The following MTRF1 variants were observed in gnomAD, a reference collection of about 807,000 sequenced individuals.
MTRF1 encodes peptide chain release factor 1, mitochondrial.
A neutral mutation model predicts 62.9 loss-of-function variants in MTRF1; 51 were observed. That is an observed-to-expected ratio of 0.81 (90% CI 0.65 to 1.02). The LOEUF (loss-of-function observed/expected upper bound fraction) is 1.02, where lower values mean the gene tolerates loss of function less well. Ranked by LOEUF, MTRF1 falls within the 50% of genes least tolerant of loss-of-function variation. MTRF1 has a pLI of 0.00. For synonymous variants in MTRF1, 158 were observed against 181.9 expected (o/e 0.87, Z 1.06); for missense variants, 446 against 530.0 (o/e 0.84, Z 1.56).
At chr13:41,283,475 G>C in the MTRF1 span, among the ~76,000 whole-genome samples, 6 of 150,640 alleles carry the variant, frequency 4.0e-5, no homozygotes, top group Non-Finnish European at 8.9e-5. Flanking sequence ...GGTGCTCACA[G>C]ACTTTTACCT....
chr13:41,273,330 A>G, the MTRF1 span, among the ~76,000 whole-genome samples: 1 of 151,866 alleles, frequency 6.6e-6, no homozygotes, highest in Non-Finnish European at 1.5e-5. Context: ...CGTCTCAAAA[A>G]AAAAAAAAAA....
At chr13:41,263,007 T>G (rs1001445926) in intron 1 of MTRF1, among the ~76,000 whole-genome samples, 6 of 152,176 alleles carry the variant, frequency 3.9e-5, no homozygotes, top group Non-Finnish European at 8.8e-5. Context: ...CATCACATTA[T>G]TAAAAGAACT....
the MTRF1 span, among the ~76,000 whole-genome samples, chr13:41,311,754 G>A: frequency 1.3e-5 from 2 of 152,192 alleles, no homozygotes; most frequent in African/African-American, 4.8e-5. Flanking sequence ...CGGCCCACGG[G>A]GGCTGCCGAG....
upstream of MTRF1, among the ~76,000 whole-genome samples, chr13:41,267,563 T>C (rs566562357): frequency 6.6e-5 from 10 of 152,256 alleles, no homozygotes; most frequent in East Asian, 1.3e-3. Context: ...ATAAAAACTT[T>C]TCTAAAGTAA....
chr13:41,265,541 A>T (rs751005125), upstream of MTRF1, among the ~76,000 whole-genome samples: 7 of 152,138 alleles, frequency 4.6e-5, no homozygotes, highest in Non-Finnish European at 1.0e-4. Context: ...CCTCCAATAC[A>T]TGTGTCTGTA....
At chr13:41,284,678 G>A in the MTRF1 span, among the ~76,000 whole-genome samples, 1 of 151,666 alleles carries the variant, frequency 6.6e-6, no homozygotes, top group Non-Finnish European at 1.5e-5. Flanking sequence ...CCAGGCTGGA[G>A]TGCAGTGGCG....
intron 7 of MTRF1, among the ~76,000 whole-genome samples, chr13:41,230,105 GA>G (rs199955193): frequency 0.015 from 2,039 of 138,020 alleles, 43 homozygotes; most frequent in African/African-American, 0.049. Flanking sequence ...CTCCATCTAA[GA>G]AAAAAAAAAA....
At chr13:41,311,631 G>T in the MTRF1 span, 4 of 1,553,020 alleles carry the variant, frequency 2.6e-6, no homozygotes, top group South Asian at 1.2e-5. Flanking sequence ...CGGGTCCTCG[G>T]GCCTTAAGGG....
At chr13:41,267,265 T>C (rs934778989), upstream of MTRF1, among the ~76,000 whole-genome samples, 6 of 152,324 alleles carry the variant, frequency 3.9e-5, no homozygotes, top group African/African-American at 1.4e-4. Flanking sequence ...TGTCCTTTGT[T>C]CCCTGTATCT....
chr13:41,299,680 A>G, the MTRF1 span, among the ~76,000 whole-genome samples: 1 of 152,194 alleles, frequency 6.6e-6, no homozygotes, highest in Non-Finnish European at 1.5e-5. Context: ...CTCAAGAAGA[A>G]AAGTTTAAAT....
At chr13:41,284,762 T>C in the MTRF1 span, among the ~76,000 whole-genome samples, 2 of 152,154 alleles carry the variant, frequency 1.3e-5, no homozygotes, top group Non-Finnish European at 2.9e-5. Context: ...CAAGTGATTC[T>C]TGTGCCTCAG....
At chr13:41,274,097 T>C in the MTRF1 span, among the ~76,000 whole-genome samples, 2 of 152,202 alleles carry the variant, frequency 1.3e-5, no homozygotes, top group Admixed American at 6.5e-5. Context: ...CCAGCTTGAC[T>C]TTTCCCTTTA....
the MTRF1 span, among the ~76,000 whole-genome samples, chr13:41,277,025 T>G: frequency 4.6e-5 from 7 of 152,148 alleles, no homozygotes; most frequent in East Asian, 1.3e-3. Flanking sequence ...ATCCCTTCCC[T>G]CTAACTAACT....
At chr13:41,283,616 G>C in the MTRF1 span, among the ~76,000 whole-genome samples, 1 of 84,380 alleles carries the variant, frequency 1.2e-5, no homozygotes, top group African/African-American at 4.6e-5. Flanking sequence ...TTGAGACGGA[G>C]TCTCGCTCTG....
At chr13:41,309,693 C>T in the MTRF1 span, among the ~76,000 whole-genome samples, 1 of 151,982 alleles carries the variant, frequency 6.6e-6, no homozygotes, top group Non-Finnish European at 1.5e-5. Context: ...CCAACTTAGG[C>T]TAGAAAGAAG....
the MTRF1 span, among the ~76,000 whole-genome samples, chr13:41,278,023 T>C: frequency 1.3e-5 from 2 of 152,352 alleles, no homozygotes; most frequent in Admixed American, 6.5e-5. Flanking sequence ...TACTGCTATA[T>C]TACTAGGATC....
the MTRF1 span, among the ~76,000 whole-genome samples, chr13:41,303,907 T>G: frequency 6.6e-6 from 1 of 152,164 alleles, no homozygotes; most frequent in Non-Finnish European, 1.5e-5. Flanking sequence ...ATCTCCCCAT[T>G]TTTTTGTTAT....
chr13:41,229,660 T>C (rs1028505592), intron 7 of MTRF1: 1 of 152,246 alleles, frequency 6.6e-6, no homozygotes, highest in African/African-American at 2.4e-5. Flanking sequence ...TTACCCATTT[T>C]AATTTTTAAT....
At chr13:41,254,210 C>T (rs1183982577) in intron 3 of MTRF1, among the ~76,000 whole-genome samples, 1 of 150,930 alleles carries the variant, frequency 6.6e-6, no homozygotes, top group Non-Finnish European at 1.5e-5. Context: ...ACTCCTCCTC[C>T]TCTTCTCACT....
Sources: gnomAD v4.1 joint callset for allele counts (sites outside exome capture counted in the v4.1 genomes callset) on GRCh38, gnomAD v4.1.1 for gene constraint, MANE v1.5 for transcripts, NCBI Gene and HGNC (gene_info 2026-07-23, HGNC 2026-07-21) for gene names.